The following TRPC7 variants were observed in gnomAD, a reference collection of about 807,000 sequenced individuals.
TRPC7 encodes short transient receptor potential channel 7.
In TRPC7, 42 loss-of-function variants were observed where a neutral mutation model predicts 90.1. That is an observed-to-expected ratio of 0.47 (90% CI 0.36 to 0.60). The LOEUF is 0.60. TRPC7 is among the 20% of genes least tolerant of loss of function. TRPC7 has a pLI of 0.00. For missense variants in TRPC7, 955 were observed against 1,112.3 expected (o/e 0.86, Z 2.01); for synonymous variants, 451 against 436.3 (o/e 1.03, Z -0.42).
At chr5:136,276,229 T>C (rs1757362890) in intron 3 of TRPC7, among the ~76,000 whole-genome samples, 1 of 152,206 alleles carries the variant, frequency 6.6e-6, no homozygotes, top group African/African-American at 2.4e-5. Context: ...AGGAAGCCAT[T>C]GTTTGCTTTT....
intron 2 of TRPC7, among the ~76,000 whole-genome samples, chr5:136,332,884 A>AATG (rs1246410836): frequency 6.6e-6 from 1 of 152,160 alleles, no homozygotes; most frequent in African/African-American, 2.4e-5. Flanking sequence ...TGTGGGTGGA[A>AATG]ATGATAGCAT....
At chr5:136,341,156 G>A (rs1759831784) in intron 2 of TRPC7, among the ~76,000 whole-genome samples, 1 of 152,188 alleles carries the variant, frequency 6.6e-6, no homozygotes, top group African/African-American at 2.4e-5. Context: ...CAGAAGTACA[G>A]AAAGTTGTAC....
At chr5:136,320,209 C>T (rs946456640) in intron 2 of TRPC7, among the ~76,000 whole-genome samples, 1 of 152,080 alleles carries the variant, frequency 6.6e-6, no homozygotes, top group African/African-American at 2.4e-5. Flanking sequence ...CCTTTCATAA[C>T]CCACATATAA....
intron 2 of TRPC7, among the ~76,000 whole-genome samples, chr5:136,325,862 G>GA (rs772589836): frequency 1.5e-4 from 23 of 152,098 alleles, no homozygotes; most frequent in Non-Finnish European, 2.8e-4. Context: ...AAACCAAAAG[G>GA]AAAAACCCCA....
chr5:136,249,363 T>C (rs189580617), intron 6 of TRPC7, among the ~76,000 whole-genome samples: 78 of 152,318 alleles, frequency 5.1e-4, no homozygotes, highest in Middle Eastern at 3.4e-3. Context: ...GGAAATATAA[T>C]AACATTACAG....
At position 136,213,313 on chromosome 5, in the gene TRPC7, A is replaced by C; in HGVS notation, c.*122T>G. On this transcript the variant is annotated 3_prime_UTR_variant, in exon 12 of 12. Transcript: ENST00000513104. ...CAGTCATGCTGCAAGAGACTGAGCC[A>C]GGAGATCCCCTTCGTGTCCTAGAGG... The C allele has an allele frequency of 1.0e-6, 1 of 990,066 alleles. No individual in the cohort carries two copies. The allele number at this position is 990,066 out of a possible 1,614,324, so 61.3% of individuals were successfully genotyped here. A position where few individuals can be genotyped will look rare whatever the true frequency, so the allele number is the denominator to read the frequency against.
intron 5 of TRPC7, among the ~76,000 whole-genome samples, chr5:136,257,202 C>T (rs1422704831): frequency 8.8e-5 from 12 of 136,100 alleles, no homozygotes; most frequent in Middle Eastern, 3.8e-3. Flanking sequence ...TTTTTTTTTG[C>T]GATGGAGTCT....
At position 136,247,805 on chromosome 5, in the gene TRPC7, T is replaced by A. The variant is rs1299095279; in HGVS notation, c.1580-70A>T. On this transcript the variant is annotated intron_variant, in intron 6 of 11. Transcript: ENST00000513104. This position sits in a 1 kb window ranked among gnomAD's most constrained non-coding sequence, Gnocchi z 4.2. ...TTCTAGAAGAGAAACCAGTTAGGCATCTTTAGAGGTCTCCAACTGCATCAT... is the reference window on the plus strand; with the variant it reads ...TTCTAGAAGAGAAACCAGTTAGGCAACTTTAGAGGTCTCCAACTGCATCAT... 6.6e-7 allele frequency: 1 copy of A among 1,520,782 alleles called. No individual in the cohort carries two copies. Among genetic ancestry groups the A allele is most frequent in the African/African-American group, 1.4e-5 (1 of 72,152 alleles). The allele number at this position is 1,520,782 out of a possible 1,614,324, so 94.2% of individuals were successfully genotyped here. A position where few individuals can be genotyped will look rare whatever the true frequency, so the allele number is the denominator to read the frequency against.
intron 3 of TRPC7, among the ~76,000 whole-genome samples, chr5:136,289,467 G>T (rs1034671116): frequency 9.2e-5 from 14 of 152,234 alleles, no homozygotes; most frequent in Non-Finnish European, 1.3e-4. Context: ...CTTCCAACGG[G>T]CTTAACAAAT....
intron 11 of TRPC7, among the ~76,000 whole-genome samples, chr5:136,214,741 A>C (rs913249653): frequency 2.0e-5 from 3 of 152,146 alleles, no homozygotes; most frequent in Non-Finnish European, 4.4e-5. Flanking sequence ...TTCGAGCTGC[A>C]TGCTGGGTGC....
intron 7 of TRPC7, among the ~76,000 whole-genome samples, chr5:136,246,386 G>A (rs1396198285): frequency 6.6e-6 from 1 of 152,216 alleles, no homozygotes; most frequent in Non-Finnish European, 1.5e-5. Flanking sequence ...TTCCCTGGAA[G>A]TGTAGGTGAG....
chr5:136,318,872 GTC>G (rs1759108039), intron 2 of TRPC7, among the ~76,000 whole-genome samples: 1 of 151,446 alleles, frequency 6.6e-6, no homozygotes, highest in South Asian at 2.1e-4. Context: ...TTATGTCACT[GTC>G]TCTCTCCTTG....
intron 2 of TRPC7, among the ~76,000 whole-genome samples, chr5:136,325,687 CT>C (rs1220102600): frequency 6.6e-6 from 1 of 152,064 alleles, no homozygotes; most frequent in Non-Finnish European, 1.5e-5. Flanking sequence ...ACATCAAGGT[CT>C]AGGGGCAGAT....
chr5:136,319,145 C>T (rs564889910), intron 2 of TRPC7, among the ~76,000 whole-genome samples: 4 of 152,124 alleles, frequency 2.6e-5, no homozygotes, highest in Non-Finnish European at 5.9e-5. Flanking sequence ...TTCTTCTTTC[C>T]TCAGTCCTCT....
intron 3 of TRPC7, among the ~76,000 whole-genome samples, chr5:136,307,074 C>T (rs548626121): frequency 6.6e-6 from 1 of 152,278 alleles, no homozygotes; most frequent in Non-Finnish European, 1.5e-5. Context: ...TATATGTATA[C>T]AATATGTTAT....
chr5:136,338,296 C>A (rs540654882), intron 2 of TRPC7, among the ~76,000 whole-genome samples: 1 of 152,150 alleles, frequency 6.6e-6, no homozygotes, highest in Non-Finnish European at 1.5e-5. Context: ...TATGTTCACA[C>A]CATTCTTACA....
chr5:136,335,629 C>T (rs932174100), intron 2 of TRPC7, among the ~76,000 whole-genome samples: 2 of 151,958 alleles, frequency 1.3e-5, no homozygotes, highest in South Asian at 4.1e-4. Context: ...AGAGGCCAGG[C>T]GCGGTGGCTC....
At chr5:136,273,307 A>G (rs560561557) in intron 4 of TRPC7, among the ~76,000 whole-genome samples, 1 of 152,270 alleles carries the variant, frequency 6.6e-6, no homozygotes, top group African/African-American at 2.4e-5. Flanking sequence ...GTGTTTTTTC[A>G]GCTCATAATG....
chr5:136,329,538 G>T (rs753304193), intron 2 of TRPC7, among the ~76,000 whole-genome samples: 1 of 152,090 alleles, frequency 6.6e-6, no homozygotes, highest in African/African-American at 2.4e-5. Context: ...GCTAGCAGGG[G>T]TAAACAGGTA....
Sources: allele counts gnomAD v4.1 joint callset (sites outside exome capture counted in the v4.1 genomes callset), GRCh38; gene constraint gnomAD v4.1.1; non-coding constraint Gnocchi (gnomAD v3.1); transcripts MANE v1.5; gene names NCBI Gene and HGNC (gene_info 2026-07-23, HGNC 2026-07-21).